The following JAZF1 variants were observed in gnomAD, a reference collection of about 807,000 sequenced individuals.
JAZF1 encodes juxtaposed with another zinc finger protein 1.
A neutral mutation model predicts 26.4 loss-of-function variants in JAZF1; 8 were observed. That is an observed-to-expected ratio of 0.30 (90% CI 0.18 to 0.55). The LOEUF (loss-of-function observed/expected upper bound fraction) is 0.55. JAZF1 is among the 20% of genes least tolerant of loss of function. The pLI is 0.94. For synonymous variants in JAZF1, 126 were observed against 122.3 expected (o/e 1.03, Z -0.20); for missense variants, 199 against 322.0 (o/e 0.62, Z 2.92).
chr7:27,834,232 A>G (rs1782763467), intron 4 of JAZF1, among the ~76,000 whole-genome samples: 1 of 152,202 alleles, frequency 6.6e-6, no homozygotes, highest in Non-Finnish European at 1.5e-5. Context: ...TTTGTGAGTG[A>G]ATGAAGTTAC....
rs113270032 is a variant in JAZF1 at position 28,078,990 on chromosome 7, ATT to A, written c.116-87011_116-87010del. Among the ~76,000 whole-genome samples the A allele has an allele frequency of 2.1e-4, 29 of 140,784 alleles. 1 individual carries two copies. The highest frequency in any genetic ancestry group is 1.9e-4 in the Non-Finnish European group (12 of 64,122). 92.4% of individuals were successfully genotyped at this position (140,784 alleles called of 152,430 possible). A position where few individuals can be genotyped will look rare whatever the true frequency, so the allele number is the denominator to read the frequency against. ...AGATGGAAAATCTAAAATGCCCATA[ATT>A]TTTTTTTTTTTTTTTGAGACAGAGT... On this transcript the variant is annotated intron_variant, in intron 1 of 4. Transcript: ENST00000283928.
intron 1 of JAZF1, among the ~76,000 whole-genome samples, chr7:28,161,722 T>C (rs535374769): frequency 1.2e-4 from 19 of 152,162 alleles, no homozygotes; most frequent in Non-Finnish European, 2.6e-4. Flanking sequence ...CTGCTTTCCC[T>C]GACAGCCTTT....
chr7:27,891,718 A>G (rs1783979252), intron 3 of JAZF1, among the ~76,000 whole-genome samples: 1 of 152,162 alleles, frequency 6.6e-6, no homozygotes, highest in African/African-American at 2.4e-5. Context: ...AGTCCCAGCT[A>G]CACAGGAGGC....
intron 1 of JAZF1, among the ~76,000 whole-genome samples, chr7:28,138,008 T>G (rs1782910415): frequency 1.3e-5 from 2 of 152,200 alleles, no homozygotes; most frequent in Non-Finnish European, 2.9e-5. Context: ...CAGGATTCAA[T>G]TCCAGATAAT....
intron 3 of JAZF1, among the ~76,000 whole-genome samples, chr7:27,874,800 TG>T (rs1008691089): frequency 9.2e-5 from 14 of 152,146 alleles, no homozygotes; most frequent in African/African-American, 3.4e-4. Context: ...CCTTGGGCCC[TG>T]GGTGGGAAGG....
intron 2 of JAZF1, among the ~76,000 whole-genome samples, chr7:27,932,056 T>G (rs2128350124): frequency 6.6e-6 from 1 of 152,342 alleles, no homozygotes; most frequent in South Asian, 2.1e-4. Flanking sequence ...TAGCGTGGGC[T>G]ATTTTAATTT....
At chr7:28,176,160 G>C (rs1440576934) in intron 1 of JAZF1, among the ~76,000 whole-genome samples, 1 of 152,218 alleles carries the variant, frequency 6.6e-6, no homozygotes, top group Non-Finnish European at 1.5e-5. Flanking sequence ...CAGGAACCAA[G>C]TCATAGCTAA....
Position 27,890,948 on chromosome 7 carries a change from C to T in JAZF1, c.385+4272G>A, listed in dbSNP as rs181468588. ...GGGATTACAGGCGTGAGCCACCACACTTGGCAAATCTTTATATTTTTGGTA... is the reference window on the plus strand; with the variant it reads ...GGGATTACAGGCGTGAGCCACCACATTTGGCAAATCTTTATATTTTTGGTA... On this transcript the variant is annotated intron_variant, in intron 3 of 4. Coordinates refer to ENST00000283928, the MANE Select transcript of JAZF1 (RefSeq NM_175061.4). 9.2e-5 allele frequency among the ~76,000 whole-genome samples: 14 copies of T among 152,244 alleles called. No individual in the cohort carries two copies. In the East Asian group the frequency reaches 2.7e-3, roughly 29 times the overall value.
chr7:28,037,091 C>T (rs1174672055), intron 1 of JAZF1, among the ~76,000 whole-genome samples: 6 of 152,082 alleles, frequency 3.9e-5, no homozygotes, highest in Non-Finnish European at 4.4e-5. Context: ...TATTTGGGTA[C>T]GTGCAGAACT....
At chr7:28,128,528 T>C (rs1782736570) in intron 1 of JAZF1, among the ~76,000 whole-genome samples, 1 of 151,836 alleles carries the variant, frequency 6.6e-6, no homozygotes, top group Admixed American at 6.6e-5. Flanking sequence ...AAATAAATAA[T>C]AAAGAAATGC....
intron 2 of JAZF1, among the ~76,000 whole-genome samples, chr7:27,940,714 AG>A (rs1784834100): frequency 6.6e-6 from 1 of 152,208 alleles, no homozygotes; most frequent in Admixed American, 6.5e-5. Context: ...ACACCAGCGC[AG>A]CAGCCCTTAA....
chr7:28,108,754 G>A (rs1339053822), intron 1 of JAZF1, among the ~76,000 whole-genome samples: 1 of 152,190 alleles, frequency 6.6e-6, no homozygotes, highest in African/African-American at 2.4e-5. Flanking sequence ...CTGCACTCCT[G>A]TGTTCACTGA....
intron 3 of JAZF1, among the ~76,000 whole-genome samples, chr7:27,887,821 A>G (rs1783895859): frequency 6.6e-6 from 1 of 152,188 alleles, no homozygotes; most frequent in Non-Finnish European, 1.5e-5. Context: ...CCTTGTTGCC[A>G]TCCTCACTCC....
chr7:27,991,465 G>A (rs993033882), intron 2 of JAZF1, among the ~76,000 whole-genome samples: 2 of 152,096 alleles, frequency 1.3e-5, no homozygotes, highest in Non-Finnish European at 2.9e-5. Context: ...TGTTGAGAAT[G>A]TTTTTACTAA....
chr7:28,170,337 ATGTGTGTG>A (rs61200785), intron 1 of JAZF1, among the ~76,000 whole-genome samples: 4,709 of 97,978 alleles, frequency 0.048, 42 homozygotes, highest in South Asian at 0.079. Context: ...AGAAGTTGAT[ATGTGTGTG>A]TGTGTGTGTG....
intron 1 of JAZF1, among the ~76,000 whole-genome samples, chr7:28,150,536 C>T (rs545667809): frequency 5.3e-5 from 8 of 152,322 alleles, no homozygotes; most frequent in East Asian, 1.9e-4. Flanking sequence ...GTCATGACAG[C>T]GTGTCTATGT....
At chr7:28,117,991 TGCG>T (rs1480591407) in intron 1 of JAZF1, 2 of 151,962 alleles carry the variant, frequency 1.3e-5, no homozygotes, top group South Asian at 2.1e-4. Flanking sequence ...CACCAGTACG[TGCG>T]GTATTAAAAA....
At chr7:27,865,216 A>G (rs1379346880) in intron 3 of JAZF1, among the ~76,000 whole-genome samples, 2 of 152,172 alleles carry the variant, frequency 1.3e-5, no homozygotes, top group Non-Finnish European at 2.9e-5. Flanking sequence ...CAAAAAATAC[A>G]GAAATTAGCC....
intron 1 of JAZF1, among the ~76,000 whole-genome samples, chr7:28,088,871 A>G (rs1310823130): frequency 6.6e-6 from 1 of 152,220 alleles, no homozygotes; most frequent in African/African-American, 2.4e-5. Flanking sequence ...TTAAACTAAT[A>G]ATGGGCTTGA....
Sources: allele counts gnomAD v4.1 joint callset (sites outside exome capture counted in the v4.1 genomes callset), GRCh38; gene constraint gnomAD v4.1.1; transcripts MANE v1.5; gene names NCBI Gene and HGNC (gene_info 2026-07-23, HGNC 2026-07-21).